The following ZBTB11 variants were observed in gnomAD, a reference collection of about 807,000 sequenced individuals.
The protein encoded by ZBTB11 is zinc finger and BTB domain-containing protein 11.
A neutral mutation model predicts 113.1 loss-of-function variants in ZBTB11; 68 were observed. The observed-to-expected ratio is 0.60, with a 90% CI of 0.49 to 0.74. The LOEUF (loss-of-function observed/expected upper bound fraction) is 0.74. Ranked by LOEUF, ZBTB11 falls within the 30% of genes least tolerant of loss-of-function variation. ZBTB11 has a pLI of 0.00. For missense variants in ZBTB11, 1,104 were observed against 1,279.4 expected, an observed-to-expected ratio of 0.86 and a Z score of 2.09; for synonymous variants, 518 against 452.6, an observed-to-expected ratio of 1.14 and a Z score of -1.83.
rs1040943959 is a variant in ZBTB11 at position 101,659,351 on chromosome 3, A to G, written c.2046+432T>C. Among the ~76,000 whole-genome samples the G allele has an allele frequency of 2.6e-5, 4 of 152,214 alleles. 1 individual carries two copies. In the South Asian group the frequency reaches 8.3e-4, roughly 31 times the overall value. The stretch of plus-strand genomic sequence containing the variant: ...CCAAAGCTGGCTAATCACAGGATTC[A>G]CTACCCTTGAGTCTTATTTTGGCAT... On this transcript the variant is annotated intron_variant, in intron 6 of 10. Coordinates refer to ENST00000312938, the MANE Select transcript of ZBTB11 (RefSeq NM_014415.4).
chr3:101,651,125 T>C lies in ZBTB11; in HGVS notation c.*41A>G. 3.9e-6 allele frequency: 6 copies of C among 1,521,108 alleles called. No homozygotes were observed. The highest frequency in any genetic ancestry group is 5.3e-6 in the Non-Finnish European group (6 of 1,137,672). 94.2% of individuals were successfully genotyped at this position (1,521,108 alleles called of 1,614,324 possible). A position where few individuals can be genotyped will look rare whatever the true frequency, so the allele number is the denominator to read the frequency against. On this transcript the variant is annotated 3_prime_UTR_variant, in exon 11 of 11. Coordinates refer to ENST00000312938, the MANE Select transcript of ZBTB11 (RefSeq NM_014415.4). Reference sequence around the variant, plus strand: ...GTAAACAAATGTTCTGTGAGTTCAGTGTACAAGAGATGTCACTTCTTTTTA... The same window carrying C: ...GTAAACAAATGTTCTGTGAGTTCAGCGTACAAGAGATGTCACTTCTTTTTA...
chr3:101,651,426 A>G lies in ZBTB11; in HGVS notation c.2902T>C (p.Leu968=). 1.2e-6 allele frequency: 2 copies of G among 1,614,188 alleles called. No individual in the cohort carries two copies. The highest frequency in any genetic ancestry group is 8.5e-7 in the Non-Finnish European group (1 of 1,180,024). Residue 968 remains leucine, a synonymous_variant, in exon 11 of 11, where the codon TTA becomes CTA. Coordinates refer to ENST00000312938, the MANE Select transcript of ZBTB11 (RefSeq NM_014415.4). ...GTQVAHAVSI[L]TAGMQEQESS... ...TCTTGTTCCTGCATGCCTGCTGTTA[A>G]GATGCTAACAGCATGTGCCACTTGA...
chr3:101,665,148 G>T lies in ZBTB11; in HGVS notation c.1439C>A (p.Pro480His), dbSNP rs761371233. ...IPKHRQKVDQ[P>H]LKDQENLVAS... The stretch of plus-strand genomic sequence containing the variant: ...AACTAGATTTTCCTGATCTTTTAAA[G>T]GTTGGTCAACTTTCTGCCTATGTTT... Residue 480 changes from proline (P) to histidine (H), a missense_variant, in exon 4 of 11, where the codon CCT becomes CAT. This residue lies in a region of ZBTB11 where 535 missense variants were observed against 518.6 expected (regional missense o/e 1.03). Transcript: ENST00000312938. The T allele has an allele frequency of 1.2e-6, 2 of 1,614,058 alleles. No individual in the cohort carries two copies. Among genetic ancestry groups the T allele is most frequent in the East Asian group, 4.5e-5 (2 of 44,882 alleles).
At chr3:101,674,623 C>A (rs1319261685) in intron 1 of ZBTB11, among the ~76,000 whole-genome samples, 3 of 150,868 alleles carry the variant, frequency 2.0e-5, no homozygotes, top group Admixed American at 2.0e-4. Flanking sequence ...TCGCTTGAAC[C>A]CGGGAGGTGG....
intron 3 of ZBTB11, 71 bp from the exon 4 acceptor site, chr3:101,665,879 A>C: frequency 7.1e-7 from 1 of 1,400,024 alleles, no homozygotes; most frequent in Non-Finnish European, 9.7e-7. Flanking sequence ...TTATGACAAT[A>C]TAAAATATAA....
In ZBTB11 at chr3:101,656,220, T is replaced by G; in HGVS notation, c.2075A>C (p.His692Pro). 1 of 1,586,078 alleles carries G rather than the reference T, an allele frequency of 6.3e-7. No homozygotes were observed. The highest frequency in any genetic ancestry group is 8.6e-7 in the Non-Finnish European group (1 of 1,167,382). The change falls in exon 7 of 11, where the codon CAT becomes CCT. Residue 692 changes from histidine (H) to proline (P), a missense_variant. Physicochemically the swap from His to Pro is moderately conservative, Grantham distance 77. Around this residue, in one of 5 missense-constraint regions of ZBTB11, gnomAD observed 535 missense variants for 518.6 expected, o/e 1.03. Transcript: ENST00000312938. ...QVCGKTFIYK[H>P]GLKLHQSLHQ... Reference sequence around the variant, plus strand: ...AAGACTCTGATGTAATTTTAGACCATGCTTATAGATAAAAGTCTTTCCACA... The same window carrying G: ...AAGACTCTGATGTAATTTTAGACCAGGCTTATAGATAAAAGTCTTTCCACA...
chr3:101,671,537 C>T (rs1247178133), intron 2 of ZBTB11, 176 bp from the exon 3 acceptor site: 6 of 604,942 alleles, frequency 9.9e-6, no homozygotes, highest in Non-Finnish European at 1.7e-5. Context: ...TATTTTCTGC[C>T]ATGTTCATTC....
chr3:101,674,422 T>C lies in ZBTB11; in HGVS notation c.310+2183A>G, dbSNP rs373120517. On this transcript the variant is annotated intron_variant, in intron 1 of 10. Coordinates refer to ENST00000312938, the MANE Select transcript of ZBTB11 (RefSeq NM_014415.4). ...GTGTAGATTTAGAGACCAAAAGAGG[T>C]TGTATTGGCCGGGCGCTGTGGCTTA... 9.2e-4 allele frequency among the ~76,000 whole-genome samples: 139 copies of C among 150,742 alleles called. 2 individuals carry two copies. The South Asian group carries it at 0.013, about 14-fold the overall frequency.
chr3:101,654,867 C>G (rs1276891915), intron 7 of ZBTB11, 46 bp from the exon 8 acceptor site: 2 of 1,520,564 alleles, frequency 1.3e-6, no homozygotes, highest in Admixed American at 1.8e-5. Flanking sequence ...GCAATCAGTC[C>G]TCTTTTAACA....
intron 5 of ZBTB11, among the ~76,000 whole-genome samples, chr3:101,662,442 T>C (rs1268859966): frequency 1.3e-5 from 2 of 152,072 alleles, no homozygotes; most frequent in Admixed American, 6.5e-5. Flanking sequence ...CTGACCAACA[T>C]GGAGAAACCC....
chr3:101,660,260 G>C (rs941503632), intron 5 of ZBTB11, among the ~76,000 whole-genome samples: 1 of 152,196 alleles, frequency 6.6e-6, no homozygotes, highest in Non-Finnish European at 1.5e-5. Context: ...GGTTGGGCTT[G>C]AAATGGGTCT....
intron 3 of ZBTB11, among the ~76,000 whole-genome samples, chr3:101,667,617 C>G (rs1332976407): frequency 1.3e-5 from 2 of 152,166 alleles, no homozygotes; most frequent in Non-Finnish European, 2.9e-5. Context: ...TCCCCACCAA[C>G]ATTATCATTA....
intron 3 of ZBTB11, among the ~76,000 whole-genome samples, chr3:101,667,987 A>T (rs1319428294): frequency 6.6e-6 from 1 of 152,186 alleles, no homozygotes; most frequent in Non-Finnish European, 1.5e-5. Flanking sequence ...GAATGGAAAA[A>T]ATGTGGTAAA....
chr3:101,651,046 C>CA lies in ZBTB11; in HGVS notation c.*119dup. On this transcript the variant is annotated 3_prime_UTR_variant, in exon 11 of 11. Transcript: ENST00000312938. ...AAAATGTTTGGAAACGTTACGTTAC[C>CA]AAACAGCCCAGAACTTTGATATGTA... 1.6e-6 allele frequency: 2 copies of CA among 1,227,350 alleles called. No individual in the cohort carries two copies. Among genetic ancestry groups the CA allele is most frequent in the Non-Finnish European group, 2.2e-6 (2 of 904,058 alleles). 76.0% of individuals were successfully genotyped at this position (1,227,350 alleles called of 1,614,324 possible).
chr3:101,672,880 A>T lies in ZBTB11; in HGVS notation c.311-667T>A, dbSNP rs973428864. ...CTGAGTATTTTGCACCAGTTCTCTGATCTTTGTCCCCTCTCACAAAGAACA... is the reference window on the plus strand; with the variant it reads ...CTGAGTATTTTGCACCAGTTCTCTGTTCTTTGTCCCCTCTCACAAAGAACA... On this transcript the variant is annotated intron_variant, in intron 1 of 10. Coordinates refer to ENST00000312938, the MANE Select transcript of ZBTB11 (RefSeq NM_014415.4). Among the ~76,000 whole-genome samples, 5 of 152,230 alleles carry T rather than the reference A, an allele frequency of 3.3e-5. No homozygotes were observed. The South Asian group carries it at 1.0e-3, about 31-fold the overall frequency.
chr3:101,670,410 T>C (rs1303810039), intron 3 of ZBTB11, among the ~76,000 whole-genome samples: 1 of 152,210 alleles, frequency 6.6e-6, no homozygotes, highest in Non-Finnish European at 1.5e-5. Context: ...TAAGCCAATA[T>C]ATAAATTCTA....
chr3:101,671,288 T>C lies in ZBTB11; in HGVS notation c.620A>G (p.Gln207Arg). The C allele has an allele frequency of 1.2e-6, 2 of 1,614,214 alleles. No individual in the cohort carries two copies. The highest frequency in any genetic ancestry group is 1.7e-6 in the Non-Finnish European group (2 of 1,180,030). ...CQAVLKQLNE[Q>R]RLSNQFCDVT... ...ATCACAGAACTGGTTGGAAAGTCTC[T>C]GTTCGTTCAGCTGTTTTAAGACAGC... The change falls in exon 3 of 11, where the codon CAG becomes CGG. Residue 207 changes from glutamine to arginine, a missense_variant. By Grantham distance (43) the Gln-to-Arg change is conservative (BLOSUM62 1). This residue lies in a region of ZBTB11 where 245 missense variants were observed against 272.5 expected (regional missense o/e 0.90). Coordinates refer to ENST00000312938, the MANE Select transcript of ZBTB11 (RefSeq NM_014415.4).
intron 1 of ZBTB11, among the ~76,000 whole-genome samples, chr3:101,673,852 C>G (rs1358372586): frequency 6.6e-6 from 1 of 152,132 alleles, no homozygotes; most frequent in Non-Finnish European, 1.5e-5. Context: ...AAATAGTATT[C>G]AAGCAATATT....
intron 1 of ZBTB11, among the ~76,000 whole-genome samples, chr3:101,673,372 G>A (rs566552793): frequency 2.6e-5 from 4 of 152,266 alleles, no homozygotes; most frequent in African/African-American, 9.6e-5. Flanking sequence ...ACAAGAGCAC[G>A]CTTGTCCATT....
Sources: allele counts gnomAD v4.1 joint callset (sites outside exome capture counted in the v4.1 genomes callset), GRCh38; gene constraint gnomAD v4.1.1; regional missense constraint gnomAD v4.1.1; transcripts MANE v1.5; gene names NCBI Gene and HGNC (gene_info 2026-07-23, HGNC 2026-07-21).